Variants in ITGB8 observed in about 807,000 individuals in gnomAD.
The protein encoded by ITGB8 is integrin subunit beta 8.
ITGB8 carries 30 observed loss-of-function variants against 89.5 expected under a neutral mutation model. The observed-to-expected ratio is 0.34, with a 90% confidence interval of 0.25 to 0.45. The LOEUF is 0.45. Ranked by LOEUF, ITGB8 falls within the 20% of genes least tolerant of loss-of-function variation. ITGB8 has a pLI of 1.00. For missense variants in ITGB8, 836 were observed against 933.3 expected (o/e 0.90, Z 1.36); for synonymous variants, 335 against 320.4 (o/e 1.05, Z -0.49).
chr7:20,382,666 A>G (rs1220587486), intron 6 of ITGB8, among the ~76,000 whole-genome samples: 1 of 152,220 alleles, frequency 6.6e-6, no homozygotes, highest in Non-Finnish European at 1.5e-5. Context: ...GTCAAAAGAA[A>G]TACCTAATAG....
intron 1 of ITGB8, among the ~76,000 whole-genome samples, chr7:20,360,723 C>T (rs1201760868): frequency 6.6e-6 from 1 of 151,196 alleles, no homozygotes; most frequent in Non-Finnish European, 1.5e-5. Flanking sequence ...TATATATATA[C>T]CAGATTTTCT....
chr7:20,385,478 T>C (rs965411986), intron 6 of ITGB8, among the ~76,000 whole-genome samples: 1 of 152,240 alleles, frequency 6.6e-6, no homozygotes. Context: ...CCCTTACTGC[T>C]GGCTTCATAG....
intron 3 of ITGB8, among the ~76,000 whole-genome samples, chr7:20,367,558 T>C (rs181648029): frequency 6.6e-6 from 1 of 152,332 alleles, no homozygotes; most frequent in Admixed American, 6.5e-5. Flanking sequence ...TAAGTATTTG[T>C]TAGCTTGATT....
chr7:20,401,720 G>C lies in ITGB8; in HGVS notation c.1282-1G>C. On this transcript the variant is annotated splice_acceptor_variant, in intron 9 of 13. Transcript: ENST00000222573. LOFTEE classifies it high-confidence loss of function. ...TATTTCCTTTTTCCTCCTAAATTTA[G>C]GTTCTTTTCAATGTAACAGTTACAA... 6.6e-7 allele frequency: 1 copy of C among 1,520,344 alleles called. No homozygotes were observed. Among genetic ancestry groups the C allele is most frequent in the Non-Finnish European group, 8.8e-7 (1 of 1,137,178 alleles). 94.2% of individuals were successfully genotyped at this position (1,520,344 alleles called of 1,614,324 possible).
intron 8 of ITGB8, among the ~76,000 whole-genome samples, 198 bp downstream of exon 8, chr7:20,395,183 C>T (rs1787020171): frequency 6.6e-6 from 1 of 152,174 alleles, no homozygotes; most frequent in Admixed American, 6.5e-5. Context: ...CTTTCTGTGC[C>T]TCACTTTTCT....
At chr7:20,386,164 T>C (rs1474687957) in intron 6 of ITGB8, among the ~76,000 whole-genome samples, 1 of 152,190 alleles carries the variant, frequency 6.6e-6, no homozygotes. Context: ...GTTCCATCTT[T>C]TGGGGCATCG....
chr7:20,391,297 C>T, intron 6 of ITGB8, 106 bp from the exon 7 acceptor site: 6 of 493,304 alleles, frequency 1.2e-5, no homozygotes, highest in South Asian at 1.2e-4. Flanking sequence ...ATAGTCCTTC[C>T]CAGGTACATT....
intron 8 of ITGB8, 149 bp from the exon 9 acceptor site, chr7:20,398,711 G>T: frequency 2.1e-6 from 1 of 469,200 alleles, no homozygotes; most frequent in Non-Finnish European, 3.6e-6. Context: ...TCATTATGTG[G>T]AAACACTGTT....
At chr7:20,330,712 TGCAGCCGCGCCTGCGG>T (rs1037053842), upstream of ITGB8, 1 of 152,206 alleles carries the variant, frequency 6.6e-6, no homozygotes, top group African/African-American at 2.4e-5. Flanking sequence ...CTGCCCGGGC[TGCAGCCGCGCCTGCGG>T]GCAGCCGAGG....
At chr7:20,382,965 A>T (rs1786461317) in intron 6 of ITGB8, among the ~76,000 whole-genome samples, 1 of 152,226 alleles carries the variant, frequency 6.6e-6, no homozygotes, top group African/African-American at 2.4e-5. Context: ...CTAGTTCTTC[A>T]TTGGTACCTG....
intron 1 of ITGB8, among the ~76,000 whole-genome samples, chr7:20,338,701 T>C (rs369214588): frequency 1.3e-5 from 2 of 152,120 alleles, no homozygotes; most frequent in African/African-American, 4.8e-5. Flanking sequence ...CAGAGACCAT[T>C]GCATAAGGTA....
chr7:20,390,974 T>C (rs187467566), intron 6 of ITGB8, among the ~76,000 whole-genome samples: 1,742 of 152,206 alleles, frequency 0.011, 28 homozygotes, highest in African/African-American at 0.039. Flanking sequence ...TGTATGTGTA[T>C]ATATATGTTT....
intron 3 of ITGB8, among the ~76,000 whole-genome samples, chr7:20,373,778 C>G (rs1212354540): frequency 6.6e-6 from 1 of 152,178 alleles, no homozygotes; most frequent in Non-Finnish European, 1.5e-5. Flanking sequence ...CTTCCACTTA[C>G]AGCTTTCCAC....
chr7:20,366,989 G>C, intron 2 of ITGB8, 23 bp from the exon 3 acceptor site: 1 of 1,571,866 alleles, frequency 6.4e-7, no homozygotes, highest in Non-Finnish European at 8.7e-7. Flanking sequence ...AAAAACATCA[G>C]TGATTTTCTT....
chr7:20,331,794 G>C lies in ITGB8; in HGVS notation c.-13G>C. On this transcript the variant is annotated 5_prime_UTR_variant, in exon 1 of 14. Transcript: ENST00000222573. Reference sequence around the variant, plus strand: ...CAGTCAGGCGGCGGGCGCGGGGCGGGCTGTTTTGCATTATGTGCGGCTCGG... The same window carrying C: ...CAGTCAGGCGGCGGGCGCGGGGCGGCCTGTTTTGCATTATGTGCGGCTCGG... 1 of 1,608,652 alleles carries C rather than the reference G, an allele frequency of 6.2e-7. No individual in the cohort carries two copies. Among genetic ancestry groups the C allele is most frequent in the Non-Finnish European group, 8.5e-7 (1 of 1,178,094 alleles).
intron 9 of ITGB8, among the ~76,000 whole-genome samples, chr7:20,400,938 G>C (rs1032558927): frequency 6.6e-5 from 10 of 151,986 alleles, no homozygotes; most frequent in Admixed American, 2.0e-4. Context: ...AATTAAAACT[G>C]TTCATTTGAA....
intron 12 of ITGB8, among the ~76,000 whole-genome samples, chr7:20,407,403 T>G (rs1787590770): frequency 1.3e-5 from 2 of 151,880 alleles, no homozygotes; most frequent in African/African-American, 4.8e-5. Flanking sequence ...ACCCAGAACC[T>G]TACTTTGCAC....
rs1256599394 is a variant in ITGB8, at chr7:20,410,722, AG to A, written c.*726del. The stretch of plus-strand genomic sequence containing the variant: ...AGATGACTGGATTAATTAAGTGCTA[AG>A]TTACTACTGCCATAAAAAACTAATA... On this transcript the variant is annotated 3_prime_UTR_variant, in exon 14 of 14. Coordinates refer to ENST00000222573, the MANE Select transcript of ITGB8 (RefSeq NM_002214.3). 1 of 152,656 alleles carries A rather than the reference AG, an allele frequency of 6.6e-6. No homozygotes were observed. Among genetic ancestry groups the A allele is most frequent in the African/African-American group, 2.4e-5 (1 of 41,452 alleles). The allele number at this position is 152,656 out of a possible 1,614,324, so 9.5% of individuals were successfully genotyped here. A position where few individuals can be genotyped will look rare whatever the true frequency, so the allele number is the denominator to read the frequency against.
chr7:20,369,020 C>G (rs1785821775), intron 3 of ITGB8, among the ~76,000 whole-genome samples: 1 of 152,190 alleles, frequency 6.6e-6, no homozygotes, highest in African/African-American at 2.4e-5. Flanking sequence ...TATATTTCAG[C>G]TTTCTGACTC....
Sources: allele counts gnomAD v4.1 joint callset (sites outside exome capture counted in the v4.1 genomes callset), GRCh38; gene constraint gnomAD v4.1.1; transcripts MANE v1.5; gene names NCBI Gene and HGNC (gene_info 2026-07-23, HGNC 2026-07-21).